Variants in GRAMD1B observed in about 807,000 individuals in gnomAD.
GRAMD1B encodes GRAM domain containing 1B.
A neutral mutation model predicts 99.7 loss-of-function variants in GRAMD1B; 37 were observed. The ratio of observed to expected loss-of-function variants is 0.37; its 90% CI spans 0.29 to 0.49. The LOEUF is 0.49. GRAMD1B is among the 20% of genes least tolerant of loss of function. The pLI, the probability that GRAMD1B is intolerant of heterozygous loss-of-function variation, is 0.98. For synonymous variants in GRAMD1B, 427 were observed against 387.6 expected (o/e 1.10, Z -1.19); for missense variants, 888 against 1,009.2 (o/e 0.88, Z 1.63).
chr11:123,607,810 G>A (rs1453356956), intron 11 of GRAMD1B: 1 of 152,268 alleles, frequency 6.6e-6, no homozygotes, highest in Non-Finnish European at 1.5e-5. Flanking sequence ...GGACTGAGGG[G>A]TGCCAAGGGT....
At chr11:123,618,493 G>A (rs1170178417) in intron 17 of GRAMD1B, 200 bp from the exon 18 acceptor site, 10 of 868,784 alleles carry the variant, frequency 1.2e-5, no homozygotes, top group Non-Finnish European at 1.8e-5. Context: ...CCCTCTCCAT[G>A]GCTCTCCCCT....
chr11:123,614,425 G>A (rs1221188275), intron 16 of GRAMD1B, among the ~76,000 whole-genome samples: 1 of 152,200 alleles, frequency 6.6e-6, no homozygotes, highest in Admixed American at 6.5e-5. Flanking sequence ...CCAGAAGCCA[G>A]CCGTCTTTAG....
intron 17 of GRAMD1B, among the ~76,000 whole-genome samples, chr11:123,616,594 C>T (rs59961857): frequency 6.6e-6 from 1 of 152,226 alleles, no homozygotes; most frequent in Non-Finnish European, 1.5e-5. Flanking sequence ...ATCAGACTCT[C>T]TAATTCAATG....
At chr11:123,434,673 A>G (rs935552480) in intron 1 of GRAMD1B, among the ~76,000 whole-genome samples, 1 of 152,330 alleles carries the variant, frequency 6.6e-6, no homozygotes, top group East Asian at 1.9e-4. Flanking sequence ...CTGTAATCCC[A>G]GCTACTCAGG....
In GRAMD1B at chr11:123,619,195, A is replaced by G; in HGVS notation, c.2515A>G (p.Ile839Val). 6.4e-7 allele frequency: 1 copy of G among 1,564,942 alleles called. No homozygotes were observed. The highest frequency in any genetic ancestry group is 8.7e-7 in the Non-Finnish European group (1 of 1,154,604). ...TGAGCTCCAAAAATGGAGGGAAATC[A>G]TCAAATCCTCAGTGATGCTCCTTGA... ...DTELQKWREI[I>V]KSSVMLLDQM... The change falls in exon 19 of 20, where the codon ATC (isoleucine) becomes GTC (valine). Residue 839 changes from isoleucine to valine, a missense_variant. Ile to Val is a conservative substitution (Grantham distance 29). Coordinates refer to ENST00000635736, the MANE Select transcript of GRAMD1B (RefSeq NM_001387025.1).
chr11:123,407,892 G>A (rs1185619328), intron 1 of GRAMD1B, among the ~76,000 whole-genome samples: 3 of 152,144 alleles, frequency 2.0e-5, no homozygotes, highest in Non-Finnish European at 4.4e-5. Flanking sequence ...CTTTTCCATA[G>A]ACAATAGGCA....
chr11:123,413,844 A>G (rs936818528), intron 1 of GRAMD1B, among the ~76,000 whole-genome samples: 7 of 152,132 alleles, frequency 4.6e-5, no homozygotes, highest in Non-Finnish European at 1.0e-4. Flanking sequence ...CGCAAGAATG[A>G]CCTTGGGTGG....
chr11:123,542,874 G>A (rs543141418), intron 2 of GRAMD1B, among the ~76,000 whole-genome samples: 18 of 152,252 alleles, frequency 1.2e-4, no homozygotes, highest in African/African-American at 3.6e-4. Context: ...GGCTGGTCTT[G>A]AACTCCTGAC....
chr11:123,596,217 C>T (rs894840827), intron 7 of GRAMD1B, among the ~76,000 whole-genome samples, 180 bp downstream of exon 7: 1 of 152,090 alleles, frequency 6.6e-6, no homozygotes, highest in South Asian at 2.1e-4. Flanking sequence ...GGCTGAGCAG[C>T]GGGAGGATAG....
chr11:123,540,631 G>A (rs1325509678), intron 2 of GRAMD1B, among the ~76,000 whole-genome samples: 2 of 151,476 alleles, frequency 1.3e-5, no homozygotes, highest in African/African-American at 4.9e-5. Flanking sequence ...TTATCCATGG[G>A]CATTGTATAA....
intron 2 of GRAMD1B, among the ~76,000 whole-genome samples, chr11:123,491,413 C>T (rs1938543562): frequency 6.6e-6 from 1 of 152,144 alleles, no homozygotes; most frequent in South Asian, 2.1e-4. Context: ...GATCCCTTAC[C>T]ATGGGGAGAG....
At chr11:123,455,563 C>T (rs113150682) in intron 1 of GRAMD1B, among the ~76,000 whole-genome samples, 15 of 152,192 alleles carry the variant, frequency 9.9e-5, no homozygotes, top group African/African-American at 3.1e-4. Flanking sequence ...CCATGCAATA[C>T]GGCATAGTTT....
intron 1 of GRAMD1B, among the ~76,000 whole-genome samples, chr11:123,457,697 C>CT (rs1297859289): frequency 2.6e-5 from 4 of 152,202 alleles, no homozygotes; most frequent in African/African-American, 9.6e-5. Flanking sequence ...GCTCCGTGCT[C>CT]TATTTTCCAC....
chr11:123,412,155 G>A (rs1948074189), intron 1 of GRAMD1B, among the ~76,000 whole-genome samples: 1 of 152,050 alleles, frequency 6.6e-6, no homozygotes, highest in South Asian at 2.1e-4. Flanking sequence ...AATATACAGT[G>A]GATATATGTT....
intron 2 of GRAMD1B, among the ~76,000 whole-genome samples, chr11:123,546,634 C>T (rs184110717): frequency 4.6e-4 from 70 of 152,144 alleles, no homozygotes; most frequent in African/African-American, 1.5e-3. Context: ...GGCCATTGGT[C>T]GAGGAGAGAA....
chr11:123,605,659 G>C (rs1488867157), intron 10 of GRAMD1B, among the ~76,000 whole-genome samples, 181 bp downstream of exon 10: 1 of 152,184 alleles, frequency 6.6e-6, no homozygotes, highest in Non-Finnish European at 1.5e-5. Context: ...CATAGCCCGG[G>C]GTCCAGAGCT....
chr11:123,620,055 T>G (rs1174067833), intron 19 of GRAMD1B, among the ~76,000 whole-genome samples: 1 of 152,246 alleles, frequency 6.6e-6, no homozygotes. Flanking sequence ...CTTCCATTTC[T>G]TCATTTATAA....
chr11:123,503,802 C>T (rs1940144204), intron 2 of GRAMD1B, among the ~76,000 whole-genome samples: 1 of 152,154 alleles, frequency 6.6e-6, no homozygotes, highest in Non-Finnish European at 1.5e-5. Context: ...CCTCCTTGGC[C>T]TCCCAAAGTG....
intron 2 of GRAMD1B, among the ~76,000 whole-genome samples, chr11:123,489,095 A>G (rs1217467460): frequency 6.6e-6 from 1 of 152,116 alleles, no homozygotes. Context: ...GCACCCACCC[A>G]GGGAGCCTGT....
Sources: gnomAD v4.1 joint callset for allele counts (sites outside exome capture counted in the v4.1 genomes callset) on GRCh38, gnomAD v4.1.1 for gene constraint, MANE v1.5 for transcripts, NCBI Gene and HGNC (gene_info 2026-07-23, HGNC 2026-07-21) for gene names.